Variants in AK8 observed in about 807,000 individuals in gnomAD.
AK8 encodes the protein adenylate kinase 8.
In AK8, 44 loss-of-function variants were observed where a neutral mutation model predicts 54.6. That is an observed-to-expected ratio of 0.81 (90% CI 0.63 to 1.04). The LOEUF (loss-of-function observed/expected upper bound fraction) is 1.04, where lower values mean the gene tolerates loss of function less well. Ranked by LOEUF, AK8 falls within the 50% of genes least tolerant of loss-of-function variation. The probability of loss-of-function intolerance (pLI) is 0.00; values close to 1 mark genes in which losing one functional copy is unlikely to be tolerated. For synonymous variants in AK8, 239 were observed against 245.6 expected (o/e 0.97, Z 0.25); for missense variants, 555 against 613.6 (o/e 0.90, Z 1.01).
Position 132,751,668 on chromosome 9 carries a change from C to T in AK8, c.1122-24134G>A, listed in dbSNP as rs1837933289. On this transcript the variant is annotated intron_variant, in intron 11 of 12. Transcript: ENST00000298545. The stretch of plus-strand genomic sequence containing the variant: ...GCCATCAACTTGTGATAATCCTGGT[C>T]CTTGTGTGACGGCTGACGAGCACAA... 2.6e-5 allele frequency among the ~76,000 whole-genome samples: 4 copies of T among 151,660 alleles called. No individual in the cohort carries two copies. The South Asian group carries it at 8.3e-4, about 32-fold the overall frequency.
rs1289725016 is a variant in AK8, at chr9:132,751,719, CCA to C, written c.1122-24187_1122-24186del. ...ATGCTCTCAAAGAAGTACTGTGCAG[CCA>C]CTGACGGTGAGGCTGGGGACAGTGT... On this transcript the variant is annotated intron_variant, in intron 11 of 12. Transcript: ENST00000298545. Among the ~76,000 whole-genome samples the C allele has an allele frequency of 3.9e-5, 6 of 152,008 alleles. No homozygotes were observed. The East Asian group carries it at 1.2e-3, about 29-fold the overall frequency.
At chr9:132,850,717 A>T (rs559071964) in intron 5 of AK8, among the ~76,000 whole-genome samples, 1 of 152,130 alleles carries the variant, frequency 6.6e-6, no homozygotes, top group African/African-American at 2.4e-5. Context: ...TATTTTTAGT[A>T]GAGACGGGGT....
intron 8 of AK8, among the ~76,000 whole-genome samples, chr9:132,825,114 C>T (rs1356006547): frequency 6.6e-6 from 1 of 152,176 alleles, no homozygotes; most frequent in Non-Finnish European, 1.5e-5. Flanking sequence ...ACAAATACTA[C>T]AGGCAAAGCA....
chr9:132,750,892 C>T lies in AK8; in HGVS notation c.1122-23358G>A, dbSNP rs1360188950. On this transcript the variant is annotated intron_variant, in intron 11 of 12. Coordinates refer to ENST00000298545, the MANE Select transcript of AK8 (RefSeq NM_152572.3). ...CCGCCTGGAAGGCCTAACCCAGAGG[C>T]CAGCCCTGTGGCTTGGCCAGGCCAA... Among the ~76,000 whole-genome samples the T allele has an allele frequency of 2.6e-5, 4 of 152,156 alleles. No individual in the cohort carries two copies. In the East Asian group the frequency reaches 7.7e-4, roughly 29 times the overall value.
chr9:132,772,906 CACCTGGATTACTGCCAACAGCCCTAT>C (rs1486747727), intron 11 of AK8, among the ~76,000 whole-genome samples: 2 of 152,214 alleles, frequency 1.3e-5, no homozygotes, highest in Non-Finnish European at 2.9e-5. Flanking sequence ...TGGCACCTCT[CACCTGGATTACTGCCAACAGCCCTAT>C]ACCTGGCCTC....
rs1188345314 is a variant in AK8, at chr9:132,860,291, T to G, written c.333+3374A>C. Among the ~76,000 whole-genome samples, 1 of 152,068 alleles carries G rather than the reference T, an allele frequency of 6.6e-6. No homozygotes were observed. The highest frequency in any genetic ancestry group is 1.9e-4 in the East Asian group (1 of 5,198). ...TATAACTCTGGCTGGCCTGGTGGAA[T>G]CCTCAGTGACACTTCTAGGTGTGAT... On this transcript the variant is annotated intron_variant, in intron 4 of 12. Coordinates refer to ENST00000298545, the MANE Select transcript of AK8 (RefSeq NM_152572.3). The surrounding 1 kb of genome is among the most constrained non-coding windows in gnomAD (Gnocchi z 4.4).
intron 11 of AK8, among the ~76,000 whole-genome samples, chr9:132,753,996 C>T (rs1444100913): frequency 1.3e-5 from 2 of 152,176 alleles, no homozygotes; most frequent in Admixed American, 6.5e-5. Flanking sequence ...GCCCGGAGTG[C>T]GGTTCCAGAA....
At chr9:132,853,357 C>CAAAAAA (rs36114433) in intron 5 of AK8, among the ~76,000 whole-genome samples, 1 of 105,494 alleles carries the variant, frequency 9.5e-6, no homozygotes, top group Non-Finnish European at 1.8e-5. Context: ...GACTCCGCCT[C>CAAAAAA]AAAAAAAAAA....
At chr9:132,865,165 G>C (rs909053408) in intron 3 of AK8, among the ~76,000 whole-genome samples, 3 of 152,178 alleles carry the variant, frequency 2.0e-5, no homozygotes, top group African/African-American at 7.2e-5. Context: ...GTTGGACTCA[G>C]GTGGGTCCTG....
At chr9:132,854,948 A>C (rs1387511803) in intron 4 of AK8, 23 bp from the exon 5 acceptor site, 1 of 1,613,830 alleles carries the variant, frequency 6.2e-7, no homozygotes, top group Non-Finnish European at 8.5e-7. Flanking sequence ...GGACACACAG[A>C]ATGATGGCCC....
At chr9:132,874,687 T>C (rs1228571250) in intron 2 of AK8, among the ~76,000 whole-genome samples, 1 of 152,150 alleles carries the variant, frequency 6.6e-6, no homozygotes, top group East Asian at 1.9e-4. Flanking sequence ...AATGAGACCG[T>C]CGGAAAAGCC....
intron 5 of AK8, among the ~76,000 whole-genome samples, chr9:132,836,514 G>A (rs1588192177): frequency 6.6e-6 from 1 of 152,208 alleles, no homozygotes; most frequent in African/African-American, 2.4e-5. Context: ...TATGAACTGA[G>A]GGAAGATCTT....
chr9:132,822,574 AGT>A (rs991038265), intron 9 of AK8, among the ~76,000 whole-genome samples: 108 of 152,148 alleles, frequency 7.1e-4, no homozygotes, highest in African/African-American at 2.5e-3. Context: ...TCAACCTGGC[AGT>A]GTGTCTCTGC....
intron 11 of AK8, among the ~76,000 whole-genome samples, chr9:132,774,233 G>A (rs907369538): frequency 6.6e-6 from 1 of 152,254 alleles, no homozygotes; most frequent in Middle Eastern, 3.4e-3. Context: ...CCAGAATGGG[G>A]TGGGGGTGGC....
intron 9 of AK8, among the ~76,000 whole-genome samples, chr9:132,820,560 T>A (rs1290469941): frequency 6.6e-6 from 1 of 152,198 alleles, no homozygotes; most frequent in Non-Finnish European, 1.5e-5. Context: ...CATATCTGAG[T>A]GTTGGAGCAG....
Position 132,803,393 on chromosome 9 carries a change from CATATATAAA to C in AK8, c.980-10627_980-10619del, listed in dbSNP as rs55852401. Among the ~76,000 whole-genome samples the C allele has an allele frequency of 0.28, 42,708 of 151,696 alleles. 6,119 individuals are homozygous for C. The highest frequency in any genetic ancestry group is 0.48 in the East Asian group (2,483 of 5,122). ...AAATAAATAAATATAAAAAATCCCC[CATATATAAA>C]ATATATTCACACCCGACAGGACTTG... On this transcript the variant is annotated intron_variant, in intron 10 of 12. Transcript: ENST00000298545. This position sits in a 1 kb window ranked among gnomAD's most constrained non-coding sequence, Gnocchi z 4.4.
intron 8 of AK8, among the ~76,000 whole-genome samples, chr9:132,825,231 G>A (rs1156531496): frequency 6.6e-6 from 1 of 152,110 alleles, no homozygotes; most frequent in Non-Finnish European, 1.5e-5. Context: ...AAAATGTGTG[G>A]TTGCTGGATG....
At chr9:132,877,788 G>T (rs1588253354) in intron 1 of AK8, 1 of 489,040 alleles carries the variant, frequency 2.0e-6, no homozygotes, top group Non-Finnish European at 4.0e-6. Context: ...AAATTCGACA[G>T]ATGGTAATTG....
At chr9:132,821,760 TAC>T (rs56291035) in intron 9 of AK8, among the ~76,000 whole-genome samples, 1 of 141,946 alleles carries the variant, frequency 7.0e-6, no homozygotes, top group African/African-American at 2.7e-5. Context: ...TACAAATATA[TAC>T]ATATATGTAT....
Sources: allele counts gnomAD v4.1 joint callset (sites outside exome capture counted in the v4.1 genomes callset), GRCh38; gene constraint gnomAD v4.1.1; non-coding constraint Gnocchi (gnomAD v3.1); transcripts MANE v1.5; gene names NCBI Gene and HGNC (gene_info 2026-07-23, HGNC 2026-07-21).